Variants in USP34 observed in about 807,000 individuals in gnomAD.
The protein encoded by USP34 is ubiquitin specific peptidase 34.
Under a neutral mutation model 460.3 loss-of-function variants are expected in USP34, and 70 were observed. The observed-to-expected ratio is 0.15, with a 90% CI of 0.13 to 0.19. The LOEUF (loss-of-function observed/expected upper bound fraction) is 0.19. Among genes scored for constraint, USP34 ranks in the 10% least tolerant of loss-of-function variants. USP34 has a pLI of 1.00. For synonymous variants in USP34, 1,647 were observed against 1,405.3 expected (o/e 1.17, Z -3.85); for missense variants, 3,985 against 4,236.2 (o/e 0.94, Z 1.65).
chr2:61,214,010 A>G (rs758963780), intron 68 of USP34, 50 bp downstream of exon 68: 3 of 1,599,410 alleles, frequency 1.9e-6, no homozygotes, highest in Admixed American at 3.4e-5. Context: ...AAAAACAGGT[A>G]TTTCCAATCT....
At chr2:61,390,700 C>T (rs1693317856) in intron 5 of USP34, among the ~76,000 whole-genome samples, 1 of 152,070 alleles carries the variant, frequency 6.6e-6, no homozygotes, top group South Asian at 2.1e-4. Flanking sequence ...GAACCTTAAT[C>T]TGATAAGGTA....
chr2:61,395,184 T>C lies in USP34; in HGVS notation c.602A>G (p.Asn201Ser). ...AGAATAAAAAAGGTAAACACTTACATTCATATCACAGAATGCCCCTAATAT... is the reference window on the plus strand; with the variant it reads ...AGAATAAAAAAGGTAAACACTTACACTCATATCACAGAATGCCCCTAATAT... ...SNILGAFCDMNDVEVPLHLLR... is the reference protein window; with the variant it reads ...SNILGAFCDMSDVEVPLHLLR... Residue 201 changes from asparagine to serine, a missense_variant and splice_region_variant, in exon 4 of 80, where the codon AAT (asparagine) becomes AGT (serine). Physicochemically the swap from Asn to Ser is conservative, Grantham distance 46. Coordinates refer to ENST00000398571, the MANE Select transcript of USP34 (RefSeq NM_014709.4). The C allele has an allele frequency of 2.7e-6, 4 of 1,502,780 alleles. No homozygotes were observed. Among genetic ancestry groups the C allele is most frequent in the East Asian group, 2.3e-5 (1 of 44,084 alleles). The allele number at this position is 1,502,780 out of a possible 1,614,324, so 93.1% of individuals were successfully genotyped here.
intron 1 of USP34, among the ~76,000 whole-genome samples, chr2:61,466,780 C>T (rs116524021): frequency 2.0e-4 from 30 of 151,718 alleles, no homozygotes; most frequent in Non-Finnish European, 3.5e-4. Context: ...GGCAAGGAGG[C>T]GGGTGCCTGT....
At chr2:61,245,010 G>A (rs566726960) in intron 51 of USP34, among the ~76,000 whole-genome samples, 200 bp downstream of exon 51, 3 of 151,914 alleles carry the variant, frequency 2.0e-5, no homozygotes, top group South Asian at 2.1e-4. Context: ...CTTCTTAATC[G>A]GGCTGTTGTG....
intron 58 of USP34, among the ~76,000 whole-genome samples, chr2:61,230,887 C>CA (rs1687875679): frequency 6.6e-6 from 1 of 150,738 alleles, no homozygotes; most frequent in African/African-American, 2.4e-5. Flanking sequence ...AACAGTTTAC[C>CA]AGTTCTAAAA....
intron 16 of USP34, among the ~76,000 whole-genome samples, chr2:61,342,954 A>C (rs74750911): frequency 6.6e-6 from 1 of 152,202 alleles, no homozygotes; most frequent in Non-Finnish European, 1.5e-5. Flanking sequence ...CTCAACAACC[A>C]CAACAGCACA....
chr2:61,442,466 T>C (rs1694993645), intron 1 of USP34, among the ~76,000 whole-genome samples: 1 of 150,654 alleles, frequency 6.6e-6, no homozygotes, highest in Admixed American at 6.6e-5. Flanking sequence ...AATAGACATT[T>C]CTCAAAGATT....
intron 18 of USP34, among the ~76,000 whole-genome samples, chr2:61,337,450 TG>T (rs1691457845): frequency 6.6e-6 from 1 of 151,988 alleles, no homozygotes; most frequent in Non-Finnish European, 1.5e-5. Flanking sequence ...AGTTATGTTA[TG>T]TTATTTATTT....
At chr2:61,365,972 GAC>G (rs1692426962) in intron 10 of USP34, among the ~76,000 whole-genome samples, 1 of 69,064 alleles carries the variant, frequency 1.4e-5, no homozygotes, top group Non-Finnish European at 3.5e-5. Flanking sequence ...ATTTATTTGA[GAC>G]ACAGTCTCAC....
chr2:61,435,307 CAAAAAAAA>C (rs59158283), intron 1 of USP34, among the ~76,000 whole-genome samples: 752 of 40,962 alleles, frequency 0.018, 21 homozygotes, highest in African/African-American at 0.074. Context: ...GACCTTGTTT[CAAAAAAAA>C]AAAAAAAAAA....
intron 16 of USP34, among the ~76,000 whole-genome samples, chr2:61,341,716 A>AACC (rs1168236839): frequency 2.6e-5 from 4 of 151,240 alleles, no homozygotes; most frequent in African/African-American, 9.7e-5. Context: ...AGCCAAAATA[A>AACC]ACCACTTTTG....
chr2:61,374,703 A>G (rs1692738940), intron 8 of USP34, among the ~76,000 whole-genome samples: 1 of 151,810 alleles, frequency 6.6e-6, no homozygotes, highest in African/African-American at 2.4e-5. Context: ...TCCACCTCTC[A>G]GGTTCAAGTG....
In USP34 at chr2:61,311,557, C is replaced by T. The variant is rs760699283; in HGVS notation, c.3800G>A (p.Arg1267Gln). The T allele has an allele frequency of 7.5e-6, 12 of 1,598,336 alleles. No individual in the cohort carries two copies. Among genetic ancestry groups the T allele is most frequent in the Admixed American group, 5.3e-5 (3 of 56,950 alleles). The part of the protein sequence containing the change: ...AQLQEFGQSN[R>Q]KGEFPGGLMG... Reference sequence around the variant, plus strand: ...AGGCTTACCAGGAAACTCTCCTTTTCGGTTGCTTTGACCAAACTCCTGAAG... The same window carrying T: ...AGGCTTACCAGGAAACTCTCCTTTTTGGTTGCTTTGACCAAACTCCTGAAG... The change falls in exon 27 of 80, where the codon CGA (arginine) becomes CAA (glutamine). Residue 1267 changes from arginine to glutamine, a missense_variant. By Grantham distance (43) the Arg-to-Gln change is conservative. Coordinates refer to ENST00000398571, the MANE Select transcript of USP34 (RefSeq NM_014709.4).
intron 1 of USP34, among the ~76,000 whole-genome samples, chr2:61,458,317 T>G (rs755267956): frequency 1.3e-5 from 2 of 151,894 alleles, no homozygotes; most frequent in Non-Finnish European, 2.9e-5. Context: ...TCCCAGCACT[T>G]TGGGAGGCAG....
chr2:61,217,637 C>T (rs1311561482), intron 67 of USP34, among the ~76,000 whole-genome samples: 2 of 152,150 alleles, frequency 1.3e-5, no homozygotes, highest in African/African-American at 4.8e-5. Context: ...ACACTAGAAT[C>T]GCTAAAACAG....
intron 75 of USP34, among the ~76,000 whole-genome samples, chr2:61,196,509 G>A (rs1262794199): frequency 6.6e-6 from 1 of 151,976 alleles, no homozygotes; most frequent in African/African-American, 2.4e-5. Context: ...ATGGGCATGA[G>A]CCATGGCACC....
At chr2:61,204,635 A>G in intron 72 of USP34, 34 bp from the exon 73 acceptor site, 3 of 1,539,226 alleles carry the variant, frequency 1.9e-6, no homozygotes, top group Non-Finnish European at 2.7e-6. Context: ...GTAGCAAAAA[A>G]TTAAGAGTTA....
At chr2:61,312,503 C>G (rs1422015360) in intron 25 of USP34, among the ~76,000 whole-genome samples, 2 of 148,076 alleles carry the variant, frequency 1.4e-5, no homozygotes, top group Non-Finnish European at 3.0e-5. Flanking sequence ...TCCAAGGTAC[C>G]TGAGTTTAAA....
chr2:61,258,320 C>A (rs998102882), intron 44 of USP34, among the ~76,000 whole-genome samples: 1 of 152,006 alleles, frequency 6.6e-6, no homozygotes, highest in Non-Finnish European at 1.5e-5. Flanking sequence ...TGAGACCCTG[C>A]CTCAAAAAAT....
Sources: gnomAD v4.1 joint callset for allele counts (sites outside exome capture counted in the v4.1 genomes callset) on GRCh38, gnomAD v4.1.1 for gene constraint, MANE v1.5 for transcripts, NCBI Gene and HGNC (gene_info 2026-07-23, HGNC 2026-07-21) for gene names.